RALYL: variants seen among roughly 807,000 people sequenced by gnomAD.
RALYL encodes RNA-binding Raly-like protein.
A neutral mutation model predicts 35.1 loss-of-function variants in RALYL; 29 were observed. That is an observed-to-expected ratio of 0.83 (90% confidence interval 0.61 to 1.13). The LOEUF is 1.13. Among genes scored for constraint, RALYL ranks in the 50% most tolerant of loss-of-function variants. RALYL has a pLI of 0.00. For synonymous variants in RALYL, 120 were observed against 127.6 expected (o/e 0.94, Z 0.40); for missense variants, 359 against 360.4 (o/e 1.00, Z 0.03).
intron 2 of RALYL, among the ~76,000 whole-genome samples, chr8:84,535,900 A>G (rs1213079958): frequency 1.3e-5 from 2 of 152,190 alleles, no homozygotes. Flanking sequence ...TTACTGTTGT[A>G]GGGTAATCAT....
intron 1 of RALYL, among the ~76,000 whole-genome samples, chr8:84,517,426 G>A (rs1312281139): frequency 6.6e-6 from 1 of 152,166 alleles, no homozygotes; most frequent in Admixed American, 6.5e-5. Flanking sequence ...GCTGTTATAT[G>A]TCATTTGTGA....
Position 84,774,670 on chromosome 8 carries a change from C to G in RALYL, c.332+16C>G. ...CACTTTACAGGTAAGTAGATAAGCA[C>G]TGTTTTACTCTATATATTAGTGAAA... On this transcript the variant is annotated intron_variant, in intron 3 of 8. Transcript: ENST00000521268. The G allele has an allele frequency of 6.4e-7, 1 of 1,554,636 alleles. No individual in the cohort carries two copies. Among genetic ancestry groups the G allele is most frequent in the Non-Finnish European group, 8.8e-7 (1 of 1,133,152 alleles).
chr8:84,328,263 T>C (rs1420956321), intron 1 of RALYL, among the ~76,000 whole-genome samples: 2 of 152,238 alleles, frequency 1.3e-5, no homozygotes, highest in Non-Finnish European at 2.9e-5. Context: ...TTGTCAGTTT[T>C]AAGAATGACT....
chr8:84,887,549 C>A, intron 7 of RALYL, 55 bp from the exon 8 acceptor site: 1 of 1,496,514 alleles, frequency 6.7e-7, no homozygotes, highest in African/African-American at 1.4e-5. Flanking sequence ...ATGGTTTATC[C>A]AAATGGCTCA....
intron 1 of RALYL, among the ~76,000 whole-genome samples, chr8:84,412,557 G>A (rs1296282162): frequency 1.3e-5 from 2 of 151,832 alleles, no homozygotes; most frequent in Non-Finnish European, 2.9e-5. Flanking sequence ...ATTGTAAGAT[G>A]ATACTACTAG....
chr8:84,293,584 C>A (rs1027042420), intron 1 of RALYL, among the ~76,000 whole-genome samples: 1 of 152,050 alleles, frequency 6.6e-6, no homozygotes, highest in African/African-American at 2.4e-5. Flanking sequence ...CTTTGATACT[C>A]CAAACCCATT....
At position 84,921,452 on chromosome 8, in the gene RALYL, T is replaced by G. The variant is rs962865856; in HGVS notation, c.*541T>G. Reference sequence around the variant, plus strand: ...TATTTCTGCCCTGTATAAGCACCCTTTTTATTAATAAAGAATGCAGATATT... The same window carrying G: ...TATTTCTGCCCTGTATAAGCACCCTGTTTATTAATAAAGAATGCAGATATT... On this transcript the variant is annotated 3_prime_UTR_variant, in exon 9 of 9. Coordinates refer to ENST00000521268, the MANE Select transcript of RALYL (RefSeq NM_173848.7). 6.6e-6 allele frequency: 1 copy of G among 152,158 alleles called. No individual in the cohort carries two copies. Among genetic ancestry groups the G allele is most frequent in the Admixed American group, 6.5e-5 (1 of 15,274 alleles). The allele number at this position is 152,158 out of a possible 1,614,324, so 9.4% of individuals were successfully genotyped here. A position where few individuals can be genotyped will look rare whatever the true frequency, so the allele number is the denominator to read the frequency against.
intron 2 of RALYL, among the ~76,000 whole-genome samples, chr8:84,588,132 G>T (rs141479789): frequency 6.6e-6 from 1 of 152,134 alleles, no homozygotes; most frequent in Non-Finnish European, 1.5e-5. Context: ...GAAGTGCTGG[G>T]CTGTAGAAAT....
intron 1 of RALYL, among the ~76,000 whole-genome samples, chr8:84,232,906 A>G (rs949662212): frequency 2.0e-5 from 3 of 152,146 alleles, no homozygotes; most frequent in African/African-American, 7.2e-5. Flanking sequence ...ATATTCCTGA[A>G]TATGGAAGAA....
chr8:84,699,725 A>G (rs1193066409), intron 2 of RALYL, among the ~76,000 whole-genome samples: 4 of 152,180 alleles, frequency 2.6e-5, no homozygotes. Context: ...CACATCTCCA[A>G]TAAACTATAT....
At chr8:84,594,368 T>C (rs983356990) in intron 2 of RALYL, among the ~76,000 whole-genome samples, 3 of 152,104 alleles carry the variant, frequency 2.0e-5, no homozygotes, top group African/African-American at 7.2e-5. Context: ...ATTAAATTAT[T>C]GTTCATAAGA....
intron 2 of RALYL, among the ~76,000 whole-genome samples, chr8:84,772,667 T>G (rs1400145999): frequency 6.6e-6 from 1 of 152,114 alleles, no homozygotes; most frequent in East Asian, 1.9e-4. Flanking sequence ...GAATTTTGTA[T>G]ACTGGCTTTG....
chr8:84,266,419 A>G (rs1833305581), intron 1 of RALYL, among the ~76,000 whole-genome samples: 1 of 152,204 alleles, frequency 6.6e-6, no homozygotes, highest in Admixed American at 6.5e-5. Context: ...GACCAATGAA[A>G]TCATGTTTCC....
intron 4 of RALYL, among the ~76,000 whole-genome samples, chr8:84,821,510 T>C (rs1202714517): frequency 6.6e-6 from 1 of 152,144 alleles, no homozygotes; most frequent in East Asian, 1.9e-4. Context: ...ATGTAAAAAG[T>C]TATTTATTGC....
Position 84,699,845 on chromosome 8 carries a change from G to A in RALYL, c.257-74734G>A, listed in dbSNP as rs532066017. ...CTTTTTAGGTTCAGGATTATTTTACGTTATACCTTTAAGGTAAAATATAGC... is the reference window on the plus strand; with the variant it reads ...CTTTTTAGGTTCAGGATTATTTTACATTATACCTTTAAGGTAAAATATAGC... On this transcript the variant is annotated intron_variant, in intron 2 of 8. Transcript: ENST00000521268. 1.3e-4 allele frequency among the ~76,000 whole-genome samples: 20 copies of A among 152,188 alleles called. No individual in the cohort carries two copies. The East Asian group carries it at 1.7e-3, about 13-fold the overall frequency.
chr8:84,286,395 G>A (rs1837617963), intron 1 of RALYL, among the ~76,000 whole-genome samples: 1 of 152,182 alleles, frequency 6.6e-6, no homozygotes, highest in South Asian at 2.1e-4. Context: ...GAGAATGTTA[G>A]GGAGTGGAGT....
At chr8:84,820,669 C>T (rs140174489) in intron 4 of RALYL, among the ~76,000 whole-genome samples, 2,217 of 152,182 alleles carry the variant, frequency 0.015, 31 homozygotes, top group Non-Finnish European at 0.024. Flanking sequence ...GTCCTGCATG[C>T]ATTAGGTATT....
At chr8:84,735,841 A>AGAGAGAGAGAGAGAGAGAGAGAGAGC (rs1180314583) in intron 2 of RALYL, among the ~76,000 whole-genome samples, 1 of 150,416 alleles carries the variant, frequency 6.6e-6, no homozygotes, top group African/African-American at 2.5e-5. Flanking sequence ...AGAGAGAGAG[A>AGAGAGAGAGAGAGAGAGAGAGAGAGC]GAGAGAGAAC....
rs1284508879 is a variant in RALYL, at chr8:84,447,169, T to G, written c.-23-82130T>G. Among the ~76,000 whole-genome samples the G allele has an allele frequency of 2.6e-5, 4 of 152,142 alleles. No homozygotes were observed. The East Asian group carries it at 7.8e-4, about 30-fold the overall frequency. On this transcript the variant is annotated intron_variant, in intron 1 of 8. Transcript: ENST00000521268. Reference sequence around the variant, plus strand: ...TGGCCCTAATTAACATATCCGGGACTGTTTTTTATGACCTATGTAACTGTT... The same window carrying G: ...TGGCCCTAATTAACATATCCGGGACGGTTTTTTATGACCTATGTAACTGTT...
Sources: gnomAD v4.1 joint callset for allele counts (sites outside exome capture counted in the v4.1 genomes callset) on GRCh38, gnomAD v4.1.1 for gene constraint, MANE v1.5 for transcripts, NCBI Gene and HGNC (gene_info 2026-07-23, HGNC 2026-07-21) for gene names.